Variants in PRKAR1A observed in about 807,000 individuals in gnomAD.
The protein encoded by PRKAR1A is protein kinase cAMP-dependent type I regulatory subunit alpha.
Under a neutral mutation model 52.0 loss-of-function variants are expected in PRKAR1A, and 3 were observed. The observed-to-expected ratio is 0.06, with a 90% confidence interval of 0.03 to 0.15. The LOEUF (loss-of-function observed/expected upper bound fraction) is 0.15. Ranked by LOEUF, PRKAR1A falls within the 10% of genes least tolerant of loss-of-function variation. PRKAR1A has a pLI of 1.00. For missense variants in PRKAR1A, 240 were observed against 477.4 expected (o/e 0.50, Z 4.63); for synonymous variants, 188 against 168.4 (o/e 1.12, Z -0.90).
rs920020146 is a variant in PRKAR1A at position 68,524,217 on chromosome 17, T to C, written c.502+140T>C. ...TTTCTGTTATACTATTGGATTTTTC[T>C]ATTTCTTTTAAATTAAGATTTTCTG... is the stretch of plus-strand genomic sequence containing the variant. On this transcript the variant is annotated intron_variant, in intron 5 of 10. Transcript: ENST00000589228. 7.8e-6 allele frequency: 6 copies of C among 764,332 alleles called. No individual in the cohort carries two copies. In the African/African-American group the frequency reaches 8.9e-5, roughly 11 times the overall value. 47.3% of individuals were successfully genotyped at this position (764,332 alleles called of 1,614,324 possible).
At chr17:68,504,174 G>A in the PRKAR1A span, among the ~76,000 whole-genome samples, 2 of 152,120 alleles carry the variant, frequency 1.3e-5, no homozygotes, top group Non-Finnish European at 2.9e-5. Context: ...ATACAGAAAT[G>A]TGGTACAAGG....
chr17:68,509,194 T>C (rs1026139622), upstream of PRKAR1A, among the ~76,000 whole-genome samples: 1 of 152,222 alleles, frequency 6.6e-6, no homozygotes, highest in Non-Finnish European at 1.5e-5. Flanking sequence ...AATTTCTTTT[T>C]CGTTTTTTGA....
intron 3 of PRKAR1A, 21 bp from the exon 4 acceptor site, chr17:68,523,704 T>A (rs754354976): frequency 1.3e-6 from 2 of 1,584,970 alleles, no homozygotes. Context: ...AATTGTCATT[T>A]GACCTTCAGT....
chr17:68,546,465 A>G (rs1041193330), intron 11 of PRKAR1A, among the ~76,000 whole-genome samples: 2 of 152,032 alleles, frequency 1.3e-5, no homozygotes, highest in African/African-American at 4.8e-5. Context: ...AAGTTTTCAA[A>G]TGACCTTGCC....
chr17:68,546,155 C>T (rs1244892319), intron 11 of PRKAR1A, among the ~76,000 whole-genome samples: 4 of 119,982 alleles, frequency 3.3e-5, no homozygotes, highest in East Asian at 4.9e-4. Flanking sequence ...AGCAACAGAG[C>T]GAGACTCCAT....
chr17:68,487,410 AT>A, the PRKAR1A span, among the ~76,000 whole-genome samples: 1 of 152,238 alleles, frequency 6.6e-6, no homozygotes, highest in Admixed American at 6.5e-5. Flanking sequence ...TATGGTATAT[AT>A]TGAGAGGCAT....
Position 68,539,330 on chromosome 17 carries a change from A to AACTT in PRKAR1A, c.973+9332_973+9335dup, listed in dbSNP as rs758703472. 3.1e-6 allele frequency: 5 copies of AACTT among 1,614,212 alleles called. No individual in the cohort carries two copies. In the Admixed American group the frequency reaches 8.3e-5, roughly 27 times the overall value. The stretch of plus-strand genomic sequence containing the variant: ...TTGCCCGTATTATCTGCTGCAGGAA[A>AACTT]ACTTACATGCAGCACTGGGAGAGAG... On this transcript the variant is annotated intron_variant, in intron 11 of 11. Coordinates refer to the PRKAR1A transcript ENST00000585981.
At chr17:68,541,001 G>T (rs768226161) in intron 11 of PRKAR1A, 1 of 1,552,102 alleles carries the variant, frequency 6.4e-7, no homozygotes, top group South Asian at 1.2e-5. Flanking sequence ...AGCCAAGATG[G>T]CAGGGTGTCG....
intron 2 of PRKAR1A, among the ~76,000 whole-genome samples, chr17:68,519,489 T>G (rs1478996221): frequency 1.3e-5 from 2 of 152,180 alleles, no homozygotes; most frequent in African/African-American, 4.8e-5. Flanking sequence ...CCCCTGTGAT[T>G]AAATTACCTC....
Position 68,531,054 on chromosome 17 carries a change from CAAGCTAATCT to C in PRKAR1A, c.*606_*615del, listed in dbSNP as rs375458467. ...TTTTTTTTCCAGAGTTGTTGTTTGC[CAAGCTAATCT>C]GCCTGGTTTTATTTATATCTTGTTA... On this transcript the variant is annotated 3_prime_UTR_variant, in exon 11 of 11. Coordinates refer to ENST00000589228, the MANE Select transcript of PRKAR1A (RefSeq NM_002734.5). 5.8e-4 allele frequency: 623 copies of C among 1,069,078 alleles called. 2 individuals carry two copies. The African/African-American group carries it at 9.5e-3, about 16-fold the overall frequency. 66.2% of individuals were successfully genotyped at this position (1,069,078 alleles called of 1,614,324 possible).
Position 68,533,158 on chromosome 17 carries a change from T to A in PRKAR1A, c.*2709T>A. Reference sequence around the variant, plus strand: ...ATATACATTTAATGTTACTTAGGGATACTTTTATATTTTGCATATATAAAG... The same window carrying A: ...ATATACATTTAATGTTACTTAGGGAAACTTTTATATTTTGCATATATAAAG... On this transcript the variant is annotated 3_prime_UTR_variant, in exon 11 of 11. Coordinates refer to ENST00000589228, the MANE Select transcript of PRKAR1A (RefSeq NM_002734.5). The A allele has an allele frequency of 1.9e-6, 2 of 1,059,462 alleles. No individual in the cohort carries two copies. Among genetic ancestry groups the A allele is most frequent in the Non-Finnish European group, 2.3e-6 (2 of 874,236 alleles). The allele number at this position is 1,059,462 out of a possible 1,614,324, so 65.6% of individuals were successfully genotyped here.
the PRKAR1A span, chr17:68,428,466 C>T: frequency 4.9e-6 from 1 of 205,516 alleles, no homozygotes; most frequent in Admixed American, 5.5e-5. Flanking sequence ...CACCTGGACT[C>T]AAGCCATCCA....
chr17:68,458,513 G>T, the PRKAR1A span, among the ~76,000 whole-genome samples: 1 of 152,128 alleles, frequency 6.6e-6, no homozygotes, highest in African/African-American at 2.4e-5. Context: ...TTACAAAAAT[G>T]GCACAAAGTA....
At chr17:68,421,680 C>T in the PRKAR1A span, 1 of 1,571,800 alleles carries the variant, frequency 6.4e-7, no homozygotes, top group Non-Finnish European at 8.8e-7. Context: ...CCCCTTTCTG[C>T]TCACACAATT....
the PRKAR1A span, among the ~76,000 whole-genome samples, chr17:68,424,736 G>T: frequency 6.6e-6 from 1 of 152,114 alleles, no homozygotes; most frequent in Admixed American, 6.5e-5. Context: ...TATTAGTTGG[G>T]CATGGTGGCG....
the PRKAR1A span, among the ~76,000 whole-genome samples, chr17:68,463,134 A>G: frequency 6.6e-6 from 1 of 152,092 alleles, no homozygotes; most frequent in Non-Finnish European, 1.5e-5. Context: ...GGGCGTGGCT[A>G]AGAATCCCGA....
At chr17:68,529,813 TC>T (rs1325679247) in intron 9 of PRKAR1A, 106 bp from the exon 10 acceptor site, 32 of 1,044,976 alleles carry the variant, frequency 3.1e-5, no homozygotes, top group Non-Finnish European at 4.8e-5. Flanking sequence ...TCATTTTTTA[TC>T]ATATGCACAC....
At chr17:68,533,740 G>A (rs912608095), downstream of PRKAR1A, among the ~76,000 whole-genome samples, 31 of 152,016 alleles carry the variant, frequency 2.0e-4, no homozygotes, top group Non-Finnish European at 3.1e-4. Context: ...TCTATTTATC[G>A]ATCTGTCTAT....
At chr17:68,488,573 CA>C in the PRKAR1A span, among the ~76,000 whole-genome samples, 420 of 151,268 alleles carry the variant, frequency 2.8e-3, 4 homozygotes, top group African/African-American at 9.6e-3. Flanking sequence ...ACTAAAAATA[CA>C]AAAAAAATTA....
Sources: allele counts gnomAD v4.1 joint callset (sites outside exome capture counted in the v4.1 genomes callset), GRCh38; gene constraint gnomAD v4.1.1; transcripts MANE v1.5; gene names NCBI Gene and HGNC (gene_info 2026-07-23, HGNC 2026-07-21).